The following MYOM2 variants were observed in gnomAD, a reference collection of about 807,000 sequenced individuals.
The protein encoded by MYOM2 is myomesin-2.
MYOM2 carries 254 observed loss-of-function variants against 187.6 expected under a neutral mutation model. The ratio of observed to expected loss-of-function variants is 1.35; its 90% CI spans 1.22 to 1.50. MYOM2 has a LOEUF of 1.50. Among genes scored for constraint, MYOM2 ranks in the 40% most tolerant of loss-of-function variants. The probability of loss-of-function intolerance (pLI) is 0.00; values close to 1 mark genes in which losing one functional copy is unlikely to be tolerated. For synonymous variants in MYOM2, 981 were observed against 753.8 expected (o/e 1.30, Z -4.94); for missense variants, 2,796 against 1,924.0 (o/e 1.45, Z -8.48).
At chr8:2,084,291 G>A (rs543175673) in intron 13 of MYOM2, among the ~76,000 whole-genome samples, 1 of 152,256 alleles carries the variant, frequency 6.6e-6, no homozygotes, top group South Asian at 2.1e-4. Context: ...AGCTCAGCCT[G>A]CGTTGCCTCT....
chr8:2,095,902 T>A (rs1796465215), intron 17 of MYOM2, among the ~76,000 whole-genome samples: 1 of 152,188 alleles, frequency 6.6e-6, no homozygotes, highest in Non-Finnish European at 1.5e-5. Flanking sequence ...GAAAGCTCCT[T>A]CGCCAAGCTT....
chr8:2,087,608 C>T (rs142174471), intron 14 of MYOM2, among the ~76,000 whole-genome samples: 2 of 152,156 alleles, frequency 1.3e-5, no homozygotes, highest in South Asian at 2.1e-4. Context: ...AGTTTGCAAA[C>T]ACTTTTTTGT....
In MYOM2 at chr8:2,062,673, C is replaced by T. The variant is rs116160456; in HGVS notation, c.653+3428C>T. 3.9e-3 allele frequency among the ~76,000 whole-genome samples: 587 copies of T among 152,080 alleles called. 2 individuals carry two copies. Among genetic ancestry groups the T allele is most frequent in the African/African-American group, 0.013 (553 of 41,462 alleles). On this transcript the variant is annotated intron_variant, in intron 6 of 36. Coordinates refer to ENST00000262113, the MANE Select transcript of MYOM2 (RefSeq NM_003970.4). ...GTGGGAGTTTTAATAGACCGTAGGC[C>T]GTCATGTCTAGAAAGAGACCACCTG...
intron 1 of MYOM2, among the ~76,000 whole-genome samples, chr8:2,045,473 G>A (rs1321903360): frequency 6.6e-6 from 1 of 152,216 alleles, no homozygotes; most frequent in Admixed American, 6.5e-5. Context: ...TGGCCCCAGG[G>A]GGCCCCCCAG....
At chr8:2,116,855 T>A (rs943617841) in intron 27 of MYOM2, among the ~76,000 whole-genome samples, 2 of 152,200 alleles carry the variant, frequency 1.3e-5, no homozygotes, top group African/African-American at 4.8e-5. Context: ...CCTCCCGGGT[T>A]CACGCCGTTC....
chr8:2,078,811 T>C lies in MYOM2; in HGVS notation c.1340T>C (p.Leu447Pro). The C allele has an allele frequency of 6.2e-7, 1 of 1,614,154 alleles. No individual in the cohort carries two copies. The highest frequency in any genetic ancestry group is 8.5e-7 in the Non-Finnish European group (1 of 1,180,026). ...VKICKYPVTGLFEGRSYIFRV... is the reference protein window; with the variant it reads ...VKICKYPVTGPFEGRSYIFRV... The stretch of plus-strand genomic sequence containing the variant: ...ATCTGCAAATACCCGGTCACAGGGC[T>C]TTTTGAAGGAAGGTCTTACATATTC... The change falls in exon 12 of 37, where the codon CTT becomes CCT. Residue 447 changes from leucine to proline, a missense_variant. Transcript: ENST00000262113.
rs780097704 is a variant in MYOM2 at position 2,109,548 on chromosome 8, GT to G, written c.3180+18del. On this transcript the variant is annotated intron_variant, in intron 25 of 36. Transcript: ENST00000262113. Reference sequence around the variant, plus strand: ...GACAGCGAGGTGAGTTCCTGTGTGAGTGATCTCTGGCTTTGCAGGGAGTCCA... The same window carrying G: ...GACAGCGAGGTGAGTTCCTGTGTGAGGATCTCTGGCTTTGCAGGGAGTCCA... 5 of 1,599,706 alleles carry G rather than the reference GT, an allele frequency of 3.1e-6. No individual in the cohort carries two copies. In the South Asian group the frequency reaches 5.6e-5, roughly 18 times the overall value.
In MYOM2 at chr8:2,047,756, G is replaced by T. The variant is rs918428205; in HGVS notation, c.-13+2588G>T. ...TTCCCGGGGAGACTTCCACAGTAAG[G>T]TACCATTGGAGTGAGGATTGCAGGA... is the stretch of plus-strand genomic sequence containing the variant. On this transcript the variant is annotated intron_variant, in intron 1 of 36. Coordinates refer to ENST00000262113, the MANE Select transcript of MYOM2 (RefSeq NM_003970.4). Among the ~76,000 whole-genome samples the T allele has an allele frequency of 7.2e-5, 11 of 152,200 alleles. No individual in the cohort carries two copies. In the East Asian group the frequency reaches 2.1e-3, roughly 29 times the overall value.
At chr8:2,098,733 A>G in intron 18 of MYOM2, 124 bp from the exon 19 acceptor site, 1 of 1,131,308 alleles carries the variant, frequency 8.8e-7, no homozygotes, top group Non-Finnish European at 1.2e-6. Context: ...ATTTGGTCCA[A>G]TTTCCCGACA....
chr8:2,079,642 T>G (rs1819554608), intron 13 of MYOM2, 29 bp downstream of exon 13: 1 of 1,610,590 alleles, frequency 6.2e-7, no homozygotes, highest in African/African-American at 1.3e-5. Flanking sequence ...CCCCAGCTGC[T>G]CAGCCCCTGG....
At chr8:2,069,656 A>T (rs920416507) in intron 8 of MYOM2, among the ~76,000 whole-genome samples, 159 bp downstream of exon 8, 4 of 151,416 alleles carry the variant, frequency 2.6e-5, no homozygotes, top group Admixed American at 2.0e-4. Context: ...ATCTCGGCTC[A>T]CCATAAGCTC....
intron 9 of MYOM2, 34 bp downstream of exon 9, chr8:2,072,543 C>A (rs6993501): frequency 1.8e-5 from 28 of 1,592,176 alleles, no homozygotes; most frequent in Non-Finnish European, 4.3e-6. Flanking sequence ...CGGGCACACA[C>A]CAGGAGGCTT....
Position 2,124,186 on chromosome 8 carries a change from T to C in MYOM2, c.3663T>C (p.Asp1221=), listed in dbSNP as rs141646411. 142 of 1,612,666 alleles carry C rather than the reference T, an allele frequency of 8.8e-5. No individual in the cohort carries two copies. Among genetic ancestry groups the C allele is most frequent in the Non-Finnish European group, 1.1e-4 (133 of 1,179,222 alleles). ...SILEIAGKVY[D]DMILAMSRVC... ...ATCCCTTCTCATTTTCAGTGTATGA[T>C]GATATGATTTTGGCAATGAGTAGAG... The change falls in exon 31 of 37, where the codon GAT becomes GAC. Residue 1221 remains aspartate (D), a synonymous_variant. Transcript: ENST00000262113.
At chr8:2,095,705 G>A (rs911096802) in intron 17 of MYOM2, among the ~76,000 whole-genome samples, 9 of 152,168 alleles carry the variant, frequency 5.9e-5, no homozygotes, top group Non-Finnish European at 1.0e-4. Context: ...AGGCCCATCC[G>A]TTCTCGACCT....
At chr8:2,072,627 C>G (rs940721604) in intron 9 of MYOM2, 118 bp downstream of exon 9, 4 of 1,237,018 alleles carry the variant, frequency 3.2e-6, no homozygotes, top group Admixed American at 2.7e-5. Flanking sequence ...CTCCAGACAG[C>G]GAAACAAACT....
At chr8:2,072,540 A>G in intron 9 of MYOM2, 31 bp downstream of exon 9, 1 of 1,597,282 alleles carries the variant, frequency 6.3e-7, no homozygotes, top group Non-Finnish European at 8.5e-7. Context: ...ACCCGGGCAC[A>G]CACCAGGAGG....
At chr8:2,144,231 C>T (rs1193820403) in intron 36 of MYOM2, among the ~76,000 whole-genome samples, 1 of 151,210 alleles carries the variant, frequency 6.6e-6, no homozygotes, top group African/African-American at 2.5e-5. Flanking sequence ...CATTTTTTTG[C>T]CTCCAATTTA....
Position 2,102,784 on chromosome 8 carries a change from A to G in MYOM2, c.2734+3A>G, listed in dbSNP as rs1196992357. 3.1e-6 allele frequency: 5 copies of G among 1,609,028 alleles called. No individual in the cohort carries two copies. The African/African-American group carries it at 6.7e-5, about 22-fold the overall frequency. ...TGTGCTGGTAGAGGCGAGACCAGGT[A>G]AGGCTTACAACAAAAACTACAAAAC... On this transcript the variant is annotated splice_donor_region_variant and intron_variant, in intron 21 of 36. Transcript: ENST00000262113.
At chr8:2,045,498 T>A (rs1343609954) in intron 1 of MYOM2, among the ~76,000 whole-genome samples, 1 of 152,192 alleles carries the variant, frequency 6.6e-6, no homozygotes, top group African/African-American at 2.4e-5. Context: ...TGGACTGATG[T>A]CTGCAAGTTT....
Sources: gnomAD v4.1 joint callset for allele counts (sites outside exome capture counted in the v4.1 genomes callset) on GRCh38, gnomAD v4.1.1 for gene constraint, MANE v1.5 for transcripts, NCBI Gene and HGNC (gene_info 2026-07-23, HGNC 2026-07-21) for gene names.